NUP214: variants seen among roughly 807,000 people sequenced by gnomAD.
The protein encoded by NUP214 is nucleoporin 214, also known as nuclear pore complex protein Nup214.
NUP214 carries 79 observed loss-of-function variants against 196.2 expected under a neutral mutation model. The ratio of observed to expected loss-of-function variants is 0.40; its 90% confidence interval spans 0.34 to 0.49. NUP214 has a LOEUF of 0.49. Ranked by LOEUF, NUP214 falls within the 20% of genes least tolerant of loss-of-function variation. The probability of loss-of-function intolerance (pLI) is 0.58; values close to 1 mark genes in which losing one functional copy is unlikely to be tolerated. For synonymous variants in NUP214, 1,020 were observed against 990.5 expected (o/e 1.03, Z -0.56); for missense variants, 2,468 against 2,539.0 (o/e 0.97, Z 0.60).
intron 30 of NUP214, among the ~76,000 whole-genome samples, chr9:131,210,660 T>C (rs1834216185): frequency 1.3e-5 from 2 of 151,996 alleles, no homozygotes; most frequent in South Asian, 4.1e-4. Flanking sequence ...TCGTTATCTG[T>C]ATTTGAAGTT....
intron 26 of NUP214, 68 bp downstream of exon 26, chr9:131,189,199 A>G (rs1833534917): frequency 1.6e-6 from 2 of 1,262,388 alleles, no homozygotes; most frequent in Non-Finnish European, 1.2e-6. Context: ...ATTGTTCTGG[A>G]TCACTGAGAC....
chr9:131,145,855 A>G (rs1012305591), intron 12 of NUP214, among the ~76,000 whole-genome samples: 2 of 152,216 alleles, frequency 1.3e-5, no homozygotes, highest in Non-Finnish European at 2.9e-5. Flanking sequence ...ATATCATGAT[A>G]AACTTGGTAT....
At chr9:131,128,578 G>A (rs1831435795) in intron 3 of NUP214, 95 bp downstream of exon 3, 1 of 1,085,054 alleles carries the variant, frequency 9.2e-7, no homozygotes, top group Non-Finnish European at 1.3e-6. Flanking sequence ...GTTAACCCTT[G>A]AAGTTTCTCT....
intron 30 of NUP214, among the ~76,000 whole-genome samples, chr9:131,204,813 T>G (rs1394709895): frequency 6.6e-6 from 1 of 152,134 alleles, no homozygotes; most frequent in Non-Finnish European, 1.5e-5. Flanking sequence ...CAAACGAGAA[T>G]GCATAAAAGG....
At chr9:131,183,282 G>A (rs905829936) in intron 24 of NUP214, among the ~76,000 whole-genome samples, 15 of 152,192 alleles carry the variant, frequency 9.9e-5, no homozygotes, top group African/African-American at 3.1e-4. Context: ...ACGGGGTTTC[G>A]CCATGTTGGC....
chr9:131,159,612 C>T, intron 18 of NUP214, 126 bp downstream of exon 18: 2 of 765,292 alleles, frequency 2.6e-6, no homozygotes, highest in Non-Finnish European at 4.3e-6. Context: ...AATCCCAGCA[C>T]TTTGGCAGGC....
chr9:131,134,157 G>A (rs557418347), intron 7 of NUP214, among the ~76,000 whole-genome samples: 9 of 152,170 alleles, frequency 5.9e-5, no homozygotes, highest in South Asian at 2.1e-4. Context: ...TGTTGCCCAC[G>A]CTGGTCTCGG....
In NUP214 at chr9:131,233,551, A is replaced by G. The variant is rs369959384; in HGVS notation, c.*64A>G. 2 of 1,597,194 alleles carry G rather than the reference A, an allele frequency of 1.3e-6. No individual in the cohort carries two copies. Among genetic ancestry groups the G allele is most frequent in the Admixed American group, 3.3e-5 (2 of 59,830 alleles). On this transcript the variant is annotated 3_prime_UTR_variant, in exon 36 of 36. Transcript: ENST00000359428. ...GCATCCTCAGCTTCTTCCCCGAGAA[A>G]TGCTGGAGCAGGCTGTTCAGACCGA... is the stretch of plus-strand genomic sequence containing the variant.
chr9:131,223,355 T>G (rs1834616300), intron 32 of NUP214, among the ~76,000 whole-genome samples: 1 of 151,878 alleles, frequency 6.6e-6, no homozygotes, highest in South Asian at 2.1e-4. Flanking sequence ...TTAGGAGAGA[T>G]GAGGTTTCAC....
chr9:131,221,133 A>C (rs930483872), intron 31 of NUP214, among the ~76,000 whole-genome samples: 1 of 152,242 alleles, frequency 6.6e-6, no homozygotes, highest in East Asian at 1.9e-4. Flanking sequence ...AATCAGACGT[A>C]ACTTTGGGCT....
At chr9:131,169,812 A>C (rs934794486) in intron 21 of NUP214, among the ~76,000 whole-genome samples, 1 of 152,192 alleles carries the variant, frequency 6.6e-6, no homozygotes, top group African/African-American at 2.4e-5. Context: ...GCAAAACTTT[A>C]TATTTCTGCA....
intron 31 of NUP214, among the ~76,000 whole-genome samples, chr9:131,219,523 T>G (rs1477669105): frequency 6.6e-6 from 1 of 152,188 alleles, no homozygotes; most frequent in African/African-American, 2.4e-5. Flanking sequence ...AGTTGGCATG[T>G]TCTGTATCCA....
At chr9:131,192,122 A>G in intron 26 of NUP214, 86 bp from the exon 27 acceptor site, 1 of 889,140 alleles carries the variant, frequency 1.1e-6, no homozygotes, top group Non-Finnish European at 1.6e-6. Flanking sequence ...AGGCTGAGCT[A>G]CAGGGAATTA....
chr9:131,222,846 G>A lies in NUP214; in HGVS notation c.5818G>A (p.Glu1940Lys). Residue 1940 changes from glutamate to lysine, a missense_variant, in exon 32 of 36, where the codon GAG becomes AAG. Physicochemically the swap from Glu to Lys is moderately conservative, Grantham distance 56 (BLOSUM62 1). Transcript: ENST00000359428. Reference protein sequence around the residue: ...FGGFASSSFGEQKPTGTFSSG... With the variant: ...FGGFASSSFGKQKPTGTFSSG... ...TGGATTTGCCAGCTCGTCGTTTGGA[G>A]AGCAGAAACCCACTGGCACTTTCAG... 1 of 1,614,228 alleles carries A rather than the reference G, an allele frequency of 6.2e-7. No homozygotes were observed. The highest frequency in any genetic ancestry group is 8.5e-7 in the Non-Finnish European group (1 of 1,180,042).
At chr9:131,162,009 T>G (rs1832653070) in intron 18 of NUP214, among the ~76,000 whole-genome samples, 1 of 152,180 alleles carries the variant, frequency 6.6e-6, no homozygotes, top group African/African-American at 2.4e-5. Flanking sequence ...CTGAGATTTT[T>G]TTGATTTTTT....
At chr9:131,231,352 C>T (rs540442679) in intron 34 of NUP214, among the ~76,000 whole-genome samples, 7 of 152,104 alleles carry the variant, frequency 4.6e-5, no homozygotes, top group Non-Finnish European at 8.8e-5. Flanking sequence ...CCACCAGGCC[C>T]GGCTAATTTT....
chr9:131,141,478 C>CT (rs3057295), intron 11 of NUP214, among the ~76,000 whole-genome samples: 5,504 of 118,606 alleles, frequency 0.046, 275 homozygotes, highest in Middle Eastern at 0.11. Flanking sequence ...TGAAAAGAAA[C>CT]TTTTTTTTTT....
intron 11 of NUP214, 57 bp from the exon 12 acceptor site, chr9:131,144,223 A>G (rs887579261): frequency 7.6e-7 from 1 of 1,323,116 alleles, no homozygotes; most frequent in African/African-American, 1.5e-5. Flanking sequence ...GCTTTCTATT[A>G]TGTGAACCTC....
intron 14 of NUP214, 75 bp downstream of exon 14, chr9:131,147,659 T>TTTTC (rs1172272476): frequency 9.1e-7 from 1 of 1,104,464 alleles, no homozygotes; most frequent in African/African-American, 1.6e-5. Context: ...ATAAAATGAG[T>TTTTC]TTTCATGTTT....
Sources: allele counts gnomAD v4.1 joint callset (sites outside exome capture counted in the v4.1 genomes callset), GRCh38; gene constraint gnomAD v4.1.1; transcripts MANE v1.5; gene names NCBI Gene and HGNC (gene_info 2026-07-23, HGNC 2026-07-21).